HLF: variants seen among roughly 807,000 people sequenced by gnomAD.
HLF encodes hepatic leukemia factor.
In HLF, 3 loss-of-function variants were observed where a neutral mutation model predicts 22.6. The observed-to-expected ratio is 0.13, with a 90% CI of 0.06 to 0.34. The LOEUF (loss-of-function observed/expected upper bound fraction) is 0.34. Ranked by LOEUF, HLF falls within the 10% of genes least tolerant of loss-of-function variation. The pLI is 1.00. For synonymous variants in HLF, 151 were observed against 151.8 expected (o/e 0.99, Z 0.04); for missense variants, 299 against 389.2 (o/e 0.77, Z 1.95).
At chr17:55,278,177 A>C (rs187692928) in intron 2 of HLF, among the ~76,000 whole-genome samples, 1 of 152,332 alleles carries the variant, frequency 6.6e-6, no homozygotes, top group Admixed American at 6.5e-5. Flanking sequence ...TGCCTCTCAA[A>C]TTTTGCCTGG....
chr17:55,322,443 T>C lies in HLF; in HGVS notation c.*1564T>C, dbSNP rs1598412857. 2 of 203,044 alleles carry C rather than the reference T, an allele frequency of 9.9e-6. No homozygotes were observed. The highest frequency in any genetic ancestry group is 1.5e-4 in the East Asian group (2 of 13,084). The allele number at this position is 203,044 out of a possible 1,614,324, so 12.6% of individuals were successfully genotyped here. ...GTTTTAAAATTATATAGCAAAGATA[T>C]ATATTCACCAATGTTGTACAGAGAA... On this transcript the variant is annotated 3_prime_UTR_variant, in exon 4 of 4. Coordinates refer to ENST00000226067, the MANE Select transcript of HLF (RefSeq NM_002126.5).
chr17:55,324,071 T>C lies in HLF; in HGVS notation c.*3192T>C, dbSNP rs923462674. 4 of 228,222 alleles carry C rather than the reference T, an allele frequency of 1.8e-5. No individual in the cohort carries two copies. The highest frequency in any genetic ancestry group is 3.5e-5 in the Non-Finnish European group (4 of 114,976). 14.1% of individuals were successfully genotyped at this position (228,222 alleles called of 1,614,324 possible). A position where few individuals can be genotyped will look rare whatever the true frequency, so the allele number is the denominator to read the frequency against. On this transcript the variant is annotated 3_prime_UTR_variant, in exon 4 of 4. Transcript: ENST00000226067. ...GGGGAGGGCTGTAGATCATTACTTC[T>C]TTCTCTTCAGGAAGTGGCCACTTTG...
At chr17:55,309,560 G>T (rs886882722) in intron 2 of HLF, among the ~76,000 whole-genome samples, 1 of 152,204 alleles carries the variant, frequency 6.6e-6, no homozygotes, top group African/African-American at 2.4e-5. Flanking sequence ...CTGGTGATGA[G>T]GAGGAGGGCA....
intron 2 of HLF, among the ~76,000 whole-genome samples, chr17:55,288,272 C>T (rs985081995): frequency 3.9e-5 from 6 of 152,040 alleles, no homozygotes; most frequent in Admixed American, 2.0e-4. Context: ...CTCAGCCTCC[C>T]GAGTAGCTGG....
intron 2 of HLF, among the ~76,000 whole-genome samples, chr17:55,305,069 T>C (rs775997411): frequency 6.6e-6 from 1 of 152,218 alleles, no homozygotes; most frequent in African/African-American, 2.4e-5. Flanking sequence ...GGCATAGATA[T>C]AATACAGACC....
chr17:55,310,274 G>C (rs1258207604), intron 2 of HLF, among the ~76,000 whole-genome samples: 1 of 152,210 alleles, frequency 6.6e-6, no homozygotes, highest in Non-Finnish European at 1.5e-5. Flanking sequence ...GAGGCTACAT[G>C]ATGGGGTTGA....
intron 1 of HLF, chr17:55,267,483 C>T (rs1307125551): frequency 2.7e-6 from 1 of 375,918 alleles, no homozygotes; most frequent in Non-Finnish European, 4.7e-6. Flanking sequence ...TGAGACTGTT[C>T]TCTGGTTTTT....
At chr17:55,306,763 C>G (rs759144129) in intron 2 of HLF, among the ~76,000 whole-genome samples, 5 of 151,992 alleles carry the variant, frequency 3.3e-5, no homozygotes, top group Admixed American at 6.6e-5. Flanking sequence ...TCTTTCTCCC[C>G]CTCCCTTTTG....
intron 2 of HLF, among the ~76,000 whole-genome samples, chr17:55,284,990 A>T (rs765038732): frequency 7.9e-5 from 12 of 152,136 alleles, no homozygotes; most frequent in Non-Finnish European, 1.5e-4. Context: ...GCCAGTGGAG[A>T]CCAAGACCAC....
chr17:55,271,367 T>C (rs2080855810), intron 2 of HLF: 2 of 152,242 alleles, frequency 1.3e-5, no homozygotes, highest in Admixed American at 6.5e-5. Context: ...TCACTCAGCA[T>C]GCATCTTTTG....
intron 1 of HLF, 164 bp downstream of exon 1, chr17:55,265,763 C>T (rs1390680713): frequency 1.6e-6 from 2 of 1,237,948 alleles, no homozygotes; most frequent in Non-Finnish European, 2.1e-6. Flanking sequence ...AGCACCCTTC[C>T]TCCCCTTCCT....
intron 2 of HLF, among the ~76,000 whole-genome samples, chr17:55,293,359 G>T (rs1213176275): frequency 6.6e-6 from 1 of 152,204 alleles, no homozygotes; most frequent in African/African-American, 2.4e-5. Flanking sequence ...GATCGCCACT[G>T]TGCTCTGAGG....
At chr17:55,319,101 T>G (rs1567827504) in intron 3 of HLF, 1 of 152,236 alleles carries the variant, frequency 6.6e-6, no homozygotes. Flanking sequence ...TGCATATTGT[T>G]ATGAAATGTA....
chr17:55,267,648 C>G (rs573150418), intron 1 of HLF, 103 bp from the exon 2 acceptor site: 2 of 766,858 alleles, frequency 2.6e-6, no homozygotes, highest in Non-Finnish European at 2.0e-6. Flanking sequence ...CCCTGCCATT[C>G]GTGAGAAATA....
intron 2 of HLF, among the ~76,000 whole-genome samples, chr17:55,300,769 T>G (rs999990463): frequency 6.6e-6 from 1 of 152,212 alleles, no homozygotes; most frequent in African/African-American, 2.4e-5. Flanking sequence ...CTGGTTCCCC[T>G]GTAAGCCAAG....
chr17:55,313,671 A>T (rs1904941183), intron 2 of HLF, among the ~76,000 whole-genome samples: 1 of 152,116 alleles, frequency 6.6e-6, no homozygotes, highest in African/African-American at 2.4e-5. Context: ...TTTCTGAGGC[A>T]ATCTCAAGAG....
At chr17:55,284,923 C>T (rs1285374828) in intron 2 of HLF, among the ~76,000 whole-genome samples, 1 of 152,184 alleles carries the variant, frequency 6.6e-6, no homozygotes, top group Non-Finnish European at 1.5e-5. Flanking sequence ...AACCTCCTCC[C>T]TTCCCAAGAT....
rs914400913 is a variant in HLF, at chr17:55,323,169, A to G, written c.*2290A>G. 75 of 216,840 alleles carry G rather than the reference A, an allele frequency of 3.5e-4. No homozygotes were observed. The highest frequency in any genetic ancestry group is 1.7e-3 in the African/African-American group (75 of 44,474). The allele number at this position is 216,840 out of a possible 1,614,324, so 13.4% of individuals were successfully genotyped here. On this transcript the variant is annotated 3_prime_UTR_variant, in exon 4 of 4. Transcript: ENST00000226067. ...AGATAACAGCAAGAGATGGGGGTGT[A>G]TTGGAATTGCAATACATTGTTCAGG...
Position 55,265,539 on chromosome 17 carries a change from T to A in HLF, c.55T>A (p.Tyr19Asn). ...GAATCCCACCTTTATCCCGCCTCCC[T>A]ACGGCGTGCTCAGGTCCCTGCTGGA... is the stretch of plus-strand genomic sequence containing the variant. ...PLNPTFIPPP[Y>N]GVLRSLLENP... Residue 19 changes from tyrosine to asparagine, a missense_variant, in exon 1 of 4, where the codon TAC becomes AAC. Tyr to Asn is a moderately radical substitution (Grantham distance 143, BLOSUM62 -2). Transcript: ENST00000226067. 1 of 1,610,118 alleles carries A rather than the reference T, an allele frequency of 6.2e-7. No homozygotes were observed. Among genetic ancestry groups the A allele is most frequent in the Non-Finnish European group, 8.5e-7 (1 of 1,178,234 alleles).
Sources: allele counts gnomAD v4.1 joint callset (sites outside exome capture counted in the v4.1 genomes callset), GRCh38; gene constraint gnomAD v4.1.1; transcripts MANE v1.5; gene names NCBI Gene and HGNC (gene_info 2026-07-23, HGNC 2026-07-21).